Variants in MAGI3 observed in about 807,000 individuals in gnomAD.
MAGI3 encodes the protein membrane-associated guanylate kinase, WW and PDZ domain-containing protein 3.
Under a neutral mutation model 121.8 loss-of-function variants are expected in MAGI3, and 43 were observed. That is an observed-to-expected ratio of 0.35 (90% CI 0.28 to 0.46). The LOEUF (loss-of-function observed/expected upper bound fraction) is 0.46, where lower values mean the gene tolerates loss of function less well. MAGI3 is among the 20% of genes least tolerant of loss of function. The pLI is 1.00. For synonymous variants in MAGI3, 553 were observed against 639.3 expected (o/e 0.86, Z 2.04); for missense variants, 1,547 against 1,797.3 (o/e 0.86, Z 2.52).
chr1:113,673,800 T>A (rs1343680186), intron 19 of MAGI3, among the ~76,000 whole-genome samples: 1 of 152,232 alleles, frequency 6.6e-6, no homozygotes. Flanking sequence ...AATAAGAGTC[T>A]TGAGAAAGCG....
At chr1:113,611,732 A>G (rs1650149521) in intron 6 of MAGI3, among the ~76,000 whole-genome samples, 1 of 152,122 alleles carries the variant, frequency 6.6e-6, no homozygotes, top group African/African-American at 2.4e-5. Flanking sequence ...ATTCTCTATC[A>G]TCGTCAAAAT....
At chr1:113,435,600 G>T (rs1653527690) in intron 1 of MAGI3, among the ~76,000 whole-genome samples, 1 of 151,918 alleles carries the variant, frequency 6.6e-6, no homozygotes, top group Non-Finnish European at 1.5e-5. Flanking sequence ...TTCATTCTTG[G>T]TTCAGCCAGT....
chr1:113,395,660 T>C (rs1353384615), intron 1 of MAGI3, among the ~76,000 whole-genome samples: 1 of 151,994 alleles, frequency 6.6e-6, no homozygotes, highest in Admixed American at 6.6e-5. Context: ...ATTATATGCA[T>C]ATATGTATAT....
At chr1:113,614,309 TA>T (rs1304166822) in intron 6 of MAGI3, among the ~76,000 whole-genome samples, 1 of 152,206 alleles carries the variant, frequency 6.6e-6, no homozygotes, top group Non-Finnish European at 1.5e-5. Flanking sequence ...TCAAGGTTTT[TA>T]AATGAAAGAA....
chr1:113,555,779 T>C lies in MAGI3; in HGVS notation c.433+6148T>C, dbSNP rs554898464. ...TGAGGCAGGCAAAGTGGCACATACC[T>C]GTAGTCCTAGCTACTCGAGAGGCTG... On this transcript the variant is annotated intron_variant, in intron 2 of 20. Transcript: ENST00000307546. Among the ~76,000 whole-genome samples, 85 of 152,194 alleles carry C rather than the reference T, an allele frequency of 5.6e-4. 1 individual carries two copies. The South Asian group carries it at 0.016, about 28-fold the overall frequency.
chr1:113,589,999 AGTTCATG>A (rs752307108), intron 4 of MAGI3, among the ~76,000 whole-genome samples: 3 of 152,082 alleles, frequency 2.0e-5, no homozygotes, highest in Non-Finnish European at 2.9e-5. Context: ...ACTTAGATTC[AGTTCATG>A]GCTTTGCTGT....
At chr1:113,550,799 T>TA (rs1557818171) in intron 2 of MAGI3, among the ~76,000 whole-genome samples, 6 of 150,386 alleles carry the variant, frequency 4.0e-5, no homozygotes, top group Admixed American at 2.0e-4. Flanking sequence ...ATATATATAT[T>TA]TTTACATGTT....
intron 2 of MAGI3, among the ~76,000 whole-genome samples, chr1:113,573,506 T>C (rs561665876): frequency 6.6e-6 from 1 of 152,350 alleles, no homozygotes; most frequent in South Asian, 2.1e-4. Flanking sequence ...TGTGCAGTTT[T>C]GGGTGAGTTT....
intron 7 of MAGI3, 151 bp from the exon 8 acceptor site, chr1:113,619,585 C>CTGCTATCAT (rs1409268024): frequency 2.0e-6 from 1 of 501,006 alleles, no homozygotes; most frequent in Non-Finnish European, 3.6e-6. Context: ...GAAAGCCCCT[C>CTGCTATCAT]TGCTATCATC....
intron 1 of MAGI3, among the ~76,000 whole-genome samples, chr1:113,482,300 T>A (rs1656149323): frequency 6.6e-6 from 1 of 152,148 alleles, no homozygotes; most frequent in African/African-American, 2.4e-5. Context: ...GGTAGTCTTT[T>A]GATAGTTGTC....
chr1:113,434,320 A>T (rs1374519078), intron 1 of MAGI3, among the ~76,000 whole-genome samples: 1 of 152,174 alleles, frequency 6.6e-6, no homozygotes, highest in East Asian at 1.9e-4. Context: ...CTGTAATCTC[A>T]ACACTTTGGG....
At chr1:113,632,751 A>T (rs537222244) in intron 9 of MAGI3, among the ~76,000 whole-genome samples, 2 of 152,314 alleles carry the variant, frequency 1.3e-5, no homozygotes, top group African/African-American at 2.4e-5. Flanking sequence ...TATACATCAA[A>T]TTCAAAATTG....
At chr1:113,646,669 G>A in intron 12 of MAGI3, 27 bp downstream of exon 12, 1 of 1,548,214 alleles carries the variant, frequency 6.5e-7, no homozygotes, top group Non-Finnish European at 8.8e-7. Flanking sequence ...TATTTCAGGA[G>A]AGCATATAAC....
At chr1:113,664,557 A>C (rs150585809) in intron 16 of MAGI3, among the ~76,000 whole-genome samples, 1 of 152,368 alleles carries the variant, frequency 6.6e-6, no homozygotes, top group Non-Finnish European at 1.5e-5. Context: ...TATCTCTTAA[A>C]AAAATAAAAA....
At chr1:113,484,610 TTA>T (rs145744139) in intron 1 of MAGI3, among the ~76,000 whole-genome samples, 4 of 144,058 alleles carry the variant, frequency 2.8e-5, no homozygotes, top group Non-Finnish European at 4.6e-5. Flanking sequence ...CAGTGTTCTA[TTA>T]TATATATATA....
chr1:113,530,420 G>A (rs1658653427), intron 1 of MAGI3, among the ~76,000 whole-genome samples: 2 of 151,918 alleles, frequency 1.3e-5, no homozygotes, highest in Admixed American at 6.6e-5. Context: ...GACACAAACG[G>A]GAACAACAGA....
chr1:113,583,219 A>G (rs1191532931), intron 3 of MAGI3, among the ~76,000 whole-genome samples: 5 of 151,926 alleles, frequency 3.3e-5, no homozygotes, highest in Non-Finnish European at 5.9e-5. Flanking sequence ...ATATGTATAC[A>G]TGTGCCATGT....
chr1:113,628,705 T>A (rs1651405481), intron 9 of MAGI3, among the ~76,000 whole-genome samples: 1 of 152,122 alleles, frequency 6.6e-6, no homozygotes, highest in African/African-American at 2.4e-5. Context: ...GAGTAAAAGG[T>A]TTTTTTCCTA....
At chr1:113,408,534 A>C (rs1651808418) in intron 1 of MAGI3, among the ~76,000 whole-genome samples, 1 of 145,344 alleles carries the variant, frequency 6.9e-6, no homozygotes, top group Admixed American at 6.7e-5. Flanking sequence ...TTTGTCTTTA[A>C]AAGTCAAACT....
Sources: gnomAD v4.1 joint callset for allele counts (sites outside exome capture counted in the v4.1 genomes callset) on GRCh38, gnomAD v4.1.1 for gene constraint, MANE v1.5 for transcripts, NCBI Gene and HGNC (gene_info 2026-07-23, HGNC 2026-07-21) for gene names.